The following MACROD2 variants were observed in gnomAD, a reference collection of about 807,000 sequenced individuals.
MACROD2 encodes the protein mono-ADP ribosylhydrolase 2.
A neutral mutation model predicts 70.4 loss-of-function variants in MACROD2; 36 were observed. That is an observed-to-expected ratio of 0.51 (90% CI 0.39 to 0.68). MACROD2 has a LOEUF of 0.68. Ranked by LOEUF, MACROD2 falls within the 30% of genes least tolerant of loss-of-function variation. The pLI, the probability that MACROD2 is intolerant of heterozygous loss-of-function variation, is 0.00. For synonymous variants in MACROD2, 172 were observed against 178.8 expected (o/e 0.96, Z 0.30); for missense variants, 496 against 538.4 (o/e 0.92, Z 0.78).
At chr20:15,777,014 G>C (rs1410015443) in intron 8 of MACROD2, among the ~76,000 whole-genome samples, 1 of 152,110 alleles carries the variant, frequency 6.6e-6, no homozygotes, top group Non-Finnish European at 1.5e-5. Flanking sequence ...CATTAATTAT[G>C]AATGAAAGTT....
At chr20:14,893,889 A>G (rs568880513) in intron 5 of MACROD2, 2 of 152,208 alleles carry the variant, frequency 1.3e-5, no homozygotes, top group African/African-American at 4.8e-5. Flanking sequence ...GACTCAAGCA[A>G]TCCTCTTGCC....
intron 6 of MACROD2, among the ~76,000 whole-genome samples, chr20:15,419,611 G>A (rs1200702367): frequency 1.3e-5 from 2 of 152,202 alleles, no homozygotes; most frequent in Admixed American, 6.5e-5. Flanking sequence ...AGTTAGGCCT[G>A]GCAATGGCCA....
intron 4 of MACROD2, among the ~76,000 whole-genome samples, chr20:14,555,337 G>T (rs940530376): frequency 1.3e-5 from 2 of 151,994 alleles, no homozygotes; most frequent in African/African-American, 2.4e-5. Context: ...AATTCTAGTA[G>T]AATTTGGGAG....
At chr20:15,651,877 G>A (rs894195334) in intron 8 of MACROD2, among the ~76,000 whole-genome samples, 1 of 152,126 alleles carries the variant, frequency 6.6e-6, no homozygotes, top group Non-Finnish European at 1.5e-5. Context: ...TTGGTTCTCG[G>A]TTGCTTTTTA....
chr20:15,650,815 C>A (rs1015818186), intron 8 of MACROD2, among the ~76,000 whole-genome samples: 1 of 151,996 alleles, frequency 6.6e-6, no homozygotes, highest in African/African-American at 2.4e-5. Flanking sequence ...ACATGTGAAA[C>A]CTGAGAACCC....
intron 3 of MACROD2, among the ~76,000 whole-genome samples, chr20:14,170,615 G>A (rs2081211990): frequency 6.6e-6 from 1 of 152,118 alleles, no homozygotes; most frequent in Admixed American, 6.5e-5. Context: ...TGGGATTTTT[G>A]TTTTTAATTC....
intron 4 of MACROD2, among the ~76,000 whole-genome samples, chr20:14,568,818 T>G (rs763060321): frequency 1.3e-5 from 2 of 152,002 alleles, no homozygotes; most frequent in Non-Finnish European, 2.9e-5. Context: ...GACTTTTTCC[T>G]TAAATCTCTT....
chr20:15,842,020 G>C (rs6074956), intron 8 of MACROD2, among the ~76,000 whole-genome samples: 1 of 151,888 alleles, frequency 6.6e-6, no homozygotes, highest in Non-Finnish European at 1.5e-5. Context: ...GGTTGGAAGA[G>C]GAGGTTGAAA....
At chr20:14,818,764 G>A (rs560220580) in intron 5 of MACROD2, among the ~76,000 whole-genome samples, 1 of 147,298 alleles carries the variant, frequency 6.8e-6, no homozygotes, top group South Asian at 2.2e-4. Flanking sequence ...ATGAATGGAA[G>A]CATAATAATT....
intron 6 of MACROD2, among the ~76,000 whole-genome samples, chr20:15,271,507 A>AG (rs1294181574): frequency 1.4e-4 from 21 of 152,214 alleles, no homozygotes; most frequent in Admixed American, 7.9e-4. Context: ...TATCTTATTT[A>AG]CCAGTTTCCA....
chr20:16,035,096 T>TTTATAATATATAATATAAAA (rs1568725788), intron 15 of MACROD2, among the ~76,000 whole-genome samples: 1,814 of 13,068 alleles, frequency 0.14, 111 homozygotes, highest in Non-Finnish European at 0.3. Flanking sequence ...ATATAAAATA[T>TTTATAATATATAATATAAAA]TATATATTAT....
In MACROD2 at chr20:15,439,609, C is replaced by T. The variant is rs1357839284; in HGVS notation, c.571+8174C>T. ...AAACCACCTTAGCCTTTTTGTAAGG[C>T]ACAGCCTGAGGAATATCCTCCATGT... On this transcript the variant is annotated intron_variant, in intron 7 of 17. Transcript: ENST00000684519. 2.6e-5 allele frequency among the ~76,000 whole-genome samples: 4 copies of T among 152,142 alleles called. No homozygotes were observed. In the East Asian group the frequency reaches 7.7e-4, roughly 29 times the overall value.
intron 8 of MACROD2, among the ~76,000 whole-genome samples, chr20:15,763,840 G>A (rs1721778337): frequency 6.6e-6 from 1 of 152,158 alleles, no homozygotes; most frequent in African/African-American, 2.4e-5. Flanking sequence ...GGTAATATTT[G>A]CAAGAAAATT....
At chr20:15,972,840 T>C (rs2066251932) in intron 13 of MACROD2, among the ~76,000 whole-genome samples, 2 of 150,750 alleles carry the variant, frequency 1.3e-5, no homozygotes, top group African/African-American at 4.9e-5. Context: ...AAAAGATAAA[T>C]AAAAGGTCCC....
intron 11 of MACROD2, among the ~76,000 whole-genome samples, chr20:15,936,266 G>A (rs2147327450): frequency 6.7e-6 from 1 of 148,476 alleles, no homozygotes; most frequent in African/African-American, 2.5e-5. Flanking sequence ...TGTAATGTGT[G>A]TGTATATATA....
intron 5 of MACROD2, among the ~76,000 whole-genome samples, chr20:15,190,160 G>A (rs1302644183): frequency 6.6e-6 from 1 of 152,156 alleles, no homozygotes; most frequent in Non-Finnish European, 1.5e-5. Context: ...CCTAACAAGG[G>A]CAGTATGTGT....
chr20:15,773,528 A>G (rs2051671621), intron 8 of MACROD2, among the ~76,000 whole-genome samples: 1 of 152,166 alleles, frequency 6.6e-6, no homozygotes, highest in Non-Finnish European at 1.5e-5. Context: ...ATTACTAATT[A>G]ATTAATCAGA....
intron 2 of MACROD2, among the ~76,000 whole-genome samples, chr20:14,012,780 CTGTT>C: frequency 6.6e-6 from 1 of 152,302 alleles, no homozygotes; most frequent in African/African-American, 2.4e-5. Context: ...GAGAGACAGA[CTGTT>C]TACGCAGAGG....
chr20:14,118,961 T>G (rs1291439747), intron 3 of MACROD2, among the ~76,000 whole-genome samples: 2 of 149,952 alleles, frequency 1.3e-5, no homozygotes, highest in African/African-American at 4.9e-5. Flanking sequence ...TTCTCCTGCC[T>G]CAGCCTCCTG....
Sources: gnomAD v4.1 joint callset for allele counts (sites outside exome capture counted in the v4.1 genomes callset) on GRCh38, gnomAD v4.1.1 for gene constraint, MANE v1.5 for transcripts, NCBI Gene and HGNC (gene_info 2026-07-23, HGNC 2026-07-21) for gene names.